GLB1L2: variants seen among roughly 807,000 people sequenced by gnomAD.
GLB1L2 encodes the protein beta-galactosidase-1-like protein 2.
A neutral mutation model predicts 84.1 loss-of-function variants in GLB1L2; 68 were observed. The observed-to-expected ratio is 0.81, with a 90% CI of 0.67 to 0.99. The LOEUF is 0.99. Ranked by LOEUF, GLB1L2 falls within the 50% of genes least tolerant of loss-of-function variation. The pLI is 0.00. For synonymous variants in GLB1L2, 290 were observed against 318.0 expected, an observed-to-expected ratio of 0.91 and a Z score of 0.94; for missense variants, 762 against 805.6, an observed-to-expected ratio of 0.95 and a Z score of 0.66.
chr11:134,337,572 C>G (rs150700892), intron 1 of GLB1L2, among the ~76,000 whole-genome samples: 1,694 of 152,332 alleles, frequency 0.011, 24 homozygotes, highest in African/African-American at 0.038. Context: ...CTGAAGGCTG[C>G]TGGGACCAAA....
At chr11:134,361,922 G>T (rs1943796964) in intron 7 of GLB1L2, among the ~76,000 whole-genome samples, 1 of 152,130 alleles carries the variant, frequency 6.6e-6, no homozygotes, top group Admixed American at 6.5e-5. Context: ...CCTCGCCCCC[G>T]GCCAAGTTCC....
intron 7 of GLB1L2, among the ~76,000 whole-genome samples, chr11:134,359,372 T>C (rs956024025): frequency 2.0e-5 from 3 of 152,192 alleles, no homozygotes; most frequent in Admixed American, 6.5e-5. Flanking sequence ...TGCTGGGCAC[T>C]CGGGCTCCAA....
chr11:134,351,430 C>T (rs1331794708), intron 5 of GLB1L2, among the ~76,000 whole-genome samples: 1 of 150,036 alleles, frequency 6.7e-6, no homozygotes, highest in South Asian at 2.1e-4. Flanking sequence ...ACTGCAACCT[C>T]CTCCTCCCAG....
chr11:134,364,356 A>G lies in GLB1L2; in HGVS notation c.762A>G (p.Thr254=). Reference sequence around the variant, plus strand: ...TGGCCACCATCAACTTGCAGTCAACACACGAGCTGCAGCTACTGACCACCT... The same window carrying G: ...TGGCCACCATCAACTTGCAGTCAACGCACGAGCTGCAGCTACTGACCACCT... The part of the protein sequence containing the change: ...GVLATINLQS[T]HELQLLTTFL... The change falls in exon 8 of 19, where the codon ACA becomes ACG. Residue 254 remains threonine, a synonymous_variant. Transcript: ENST00000535456. The G allele has an allele frequency of 6.2e-7, 1 of 1,614,046 alleles. No individual in the cohort carries two copies. Among genetic ancestry groups the G allele is most frequent in the Non-Finnish European group, 8.5e-7 (1 of 1,179,952 alleles).
chr11:134,348,151 C>T lies in GLB1L2; in HGVS notation c.558+718C>T, dbSNP rs1253123220. ...TAGTTCAAGTCAGTGGTATGGAATA[C>T]TCACCACACACATAAATCAAAGGGA... On this transcript the variant is annotated intron_variant, in intron 5 of 18. Coordinates refer to ENST00000535456, the MANE Select transcript of GLB1L2 (RefSeq NM_001370461.1). Among the ~76,000 whole-genome samples the T allele has an allele frequency of 3.9e-5, 6 of 152,152 alleles. No homozygotes were observed. The South Asian group carries it at 1.2e-3, about 32-fold the overall frequency.
At chr11:134,346,942 C>G in intron 4 of GLB1L2, 1 of 208,140 alleles carries the variant, frequency 4.8e-6, no homozygotes, top group Non-Finnish European at 1.0e-5. Flanking sequence ...GGTTGTGTCT[C>G]CTCCTTCCAC....
Position 134,334,714 on chromosome 11 carries a change from A to T in GLB1L2, c.86+2567A>T, listed in dbSNP as rs906898911. Among the ~76,000 whole-genome samples the T allele has an allele frequency of 6.6e-6, 1 of 151,968 alleles. No individual in the cohort carries two copies. The highest frequency in any genetic ancestry group is 2.4e-5 in the African/African-American group (1 of 41,334). ...GATCTGTTGCTTTCCGACACGATAT[A>T]TTGGTTTGCATTTTCTAGTGTTTTA... On this transcript the variant is annotated intron_variant, in intron 1 of 18. Transcript: ENST00000535456. This position sits in a 1 kb window ranked among gnomAD's most constrained non-coding sequence, Gnocchi z 4.1.
chr11:134,371,400 C>T (rs745347546), intron 13 of GLB1L2, 21 bp from the exon 14 acceptor site: 1 of 1,497,190 alleles, frequency 6.7e-7, no homozygotes, highest in Non-Finnish European at 9.3e-7. Context: ...CATGGATGTT[C>T]CTGCCTGTTC....
intron 10 of GLB1L2, among the ~76,000 whole-genome samples, chr11:134,369,448 G>A (rs1044228235): frequency 6.9e-6 from 1 of 143,938 alleles, no homozygotes; most frequent in Non-Finnish European, 1.5e-5. Flanking sequence ...TCCTGCCTTG[G>A]CCTCCCAAAG....
intron 2 of GLB1L2, 83 bp downstream of exon 2, chr11:134,343,034 C>T: frequency 4.3e-6 from 6 of 1,405,682 alleles, no homozygotes; most frequent in South Asian, 2.7e-5. Context: ...TAAGAGGAAC[C>T]GGCCCAGGTC....
At chr11:134,369,196 G>A (rs1157802280) in intron 10 of GLB1L2, among the ~76,000 whole-genome samples, 1 of 152,150 alleles carries the variant, frequency 6.6e-6, no homozygotes. Flanking sequence ...GACAGTTTGT[G>A]TTTTTTTGAA....
intron 8 of GLB1L2, among the ~76,000 whole-genome samples, chr11:134,365,901 A>G (rs1307570116): frequency 1.3e-5 from 2 of 152,336 alleles, no homozygotes; most frequent in East Asian, 1.9e-4. Context: ...GGACAGAACT[A>G]TGCAAGTGTT....
At position 134,371,763 on chromosome 11, in the gene GLB1L2, G is replaced by C. The variant is rs200238589; in HGVS notation, c.1440G>C (p.Val480=). ...IAVPLIQGYT[V]LRILVENRGR... is the part of the protein sequence containing the mutation. ...CGTGTTCCCGGCAGGGTTACACCGT[G>C]CTGAGGATCTTGGTGGAGAATCGTG... Residue 480 remains valine, a synonymous_variant, in exon 15 of 19, where the codon GTG becomes GTC. Transcript: ENST00000535456. 4 of 1,614,056 alleles carry C rather than the reference G, an allele frequency of 2.5e-6. No individual in the cohort carries two copies. The highest frequency in any genetic ancestry group is 3.4e-6 in the Non-Finnish European group (4 of 1,180,044).
At chr11:134,369,926 T>A in intron 11 of GLB1L2, 41 bp downstream of exon 11, 1 of 1,545,006 alleles carries the variant, frequency 6.5e-7, no homozygotes, top group Non-Finnish European at 8.9e-7. Flanking sequence ...ACTCAGGCCC[T>A]CGCTTCTGCT....
Position 134,343,686 on chromosome 11 carries a change from C to G in GLB1L2, c.285-701C>G, listed in dbSNP as rs115162082. ...ACCTGCCGAGCCTTGACAACTTCCC[C>G]GAAAGGACTCCTGAAGGCTGTGGGA... On this transcript the variant is annotated intron_variant, in intron 2 of 18. Coordinates refer to ENST00000535456, the MANE Select transcript of GLB1L2 (RefSeq NM_001370461.1). Among the ~76,000 whole-genome samples the G allele has an allele frequency of 4.2e-3, 632 of 152,282 alleles. 3 individuals are homozygous for G. The highest frequency in any genetic ancestry group is 0.014 in the Middle Eastern group (4 of 294).
At chr11:134,353,939 G>A (rs117840580) in intron 5 of GLB1L2, among the ~76,000 whole-genome samples, 1,654 of 152,282 alleles carry the variant, frequency 0.011, 14 homozygotes, top group South Asian at 0.026. Flanking sequence ...TCTGAAGTGA[G>A]TGTCTTGTAG....
At chr11:134,336,755 T>TA (rs76391993) in intron 1 of GLB1L2, among the ~76,000 whole-genome samples, 1 of 151,668 alleles carries the variant, frequency 6.6e-6, no homozygotes, top group Non-Finnish European at 1.5e-5. Context: ...TGTGGTGGAT[T>TA]AAAAAAAAAT....
At chr11:134,349,435 C>T (rs748184346) in intron 5 of GLB1L2, among the ~76,000 whole-genome samples, 3 of 152,202 alleles carry the variant, frequency 2.0e-5, no homozygotes, top group South Asian at 2.1e-4. Flanking sequence ...CCCCTGCTTT[C>T]GCTTCTTTTG....
At chr11:134,358,959 C>A in intron 6 of GLB1L2, 101 bp from the exon 7 acceptor site, 1 of 776,942 alleles carries the variant, frequency 1.3e-6, no homozygotes. Flanking sequence ...TATTTGTCAT[C>A]TCTCCTTCTA....
Sources: gnomAD v4.1 joint callset for allele counts (sites outside exome capture counted in the v4.1 genomes callset) on GRCh38, gnomAD v4.1.1 for gene constraint, Gnocchi (gnomAD v3.1) non-coding constraint, MANE v1.5 for transcripts, NCBI Gene and HGNC (gene_info 2026-07-23, HGNC 2026-07-21) for gene names.